PRC1: variants seen among roughly 807,000 people sequenced by gnomAD.
PRC1 encodes anaphase spindle elongation 1 homolog.
PRC1 carries 54 observed loss-of-function variants against 91.2 expected under a neutral mutation model. That is an observed-to-expected ratio of 0.59 (90% CI 0.48 to 0.74). PRC1 has a LOEUF of 0.74. Ranked by LOEUF, PRC1 falls within the 30% of genes least tolerant of loss-of-function variation. The pLI, the probability that PRC1 is intolerant of heterozygous loss-of-function variation, is 0.00. For synonymous variants in PRC1, 275 were observed against 263.6 expected, an observed-to-expected ratio of 1.04 and a Z score of -0.42; for missense variants, 727 against 746.2, an observed-to-expected ratio of 0.97 and a Z score of 0.30.
chr15:90,976,338 C>T (rs1951732079), intron 9 of PRC1, among the ~76,000 whole-genome samples: 1 of 151,224 alleles, frequency 6.6e-6, no homozygotes, highest in Non-Finnish European at 1.5e-5. Flanking sequence ...AACTCCTGAC[C>T]TCATGATCAA....
At chr15:90,968,272 C>T (rs903905646) in intron 14 of PRC1, 1 of 985,336 alleles carries the variant, frequency 1.0e-6, no homozygotes, top group African/African-American at 1.7e-5. Flanking sequence ...AGAAGCACCA[C>T]CAGCCACGTA....
At chr15:90,992,037 G>A (rs990549264) in intron 1 of PRC1, among the ~76,000 whole-genome samples, 2 of 152,084 alleles carry the variant, frequency 1.3e-5, no homozygotes, top group African/African-American at 4.8e-5. Context: ...CATACCAGGC[G>A]CTATCTCCCC....
At chr15:90,976,130 C>T (rs1405126790) in intron 9 of PRC1, among the ~76,000 whole-genome samples, 1 of 152,032 alleles carries the variant, frequency 6.6e-6, no homozygotes, top group Non-Finnish European at 1.5e-5. Context: ...ACTCTGTTGC[C>T]CAGGCTGGAG....
At chr15:90,967,295 T>C (rs1182302951) in intron 14 of PRC1, 93 bp from the exon 15 acceptor site, 8 of 1,034,482 alleles carry the variant, frequency 7.7e-6, no homozygotes, top group Admixed American at 1.9e-5. Flanking sequence ...AAAAGGTCCC[T>C]TGAAGGTAGT....
intron 1 of PRC1, among the ~76,000 whole-genome samples, chr15:90,993,369 G>A (rs557339601): frequency 6.6e-6 from 1 of 151,894 alleles, no homozygotes; most frequent in Non-Finnish European, 1.5e-5. Context: ...ACCAGGGCCA[G>A]ATAATTTTTG....
chr15:90,980,471 A>G, intron 6 of PRC1, 82 bp from the exon 7 acceptor site: 1 of 1,450,180 alleles, frequency 6.9e-7, no homozygotes, highest in South Asian at 1.3e-5. Flanking sequence ...CCTTTTAAGT[A>G]AAATTATAAT....
At chr15:90,994,166 C>T (rs902885383) in intron 1 of PRC1, among the ~76,000 whole-genome samples, 3 of 152,028 alleles carry the variant, frequency 2.0e-5, no homozygotes, top group African/African-American at 7.2e-5. Context: ...ACCCGGGCGT[C>T]TGAGCCTGCG....
At chr15:90,981,383 C>T in intron 5 of PRC1, 116 bp downstream of exon 5, 2 of 1,223,042 alleles carry the variant, frequency 1.6e-6, no homozygotes, top group South Asian at 1.4e-5. Flanking sequence ...CCTTAGCTTC[C>T]CTCATTCTCT....
At chr15:90,987,588 A>G (rs2039676390) in intron 1 of PRC1, 1 of 152,220 alleles carries the variant, frequency 6.6e-6, no homozygotes, top group South Asian at 2.1e-4. Context: ...AGTCTGCTTT[A>G]CAGAACATTT....
In PRC1 at chr15:90,969,475, GAATT is replaced by G; in HGVS notation, c.1717_1720del (p.Asn573LeufsTer51). 6.2e-7 allele frequency: 1 copy of G among 1,610,488 alleles called. No individual in the cohort carries two copies. The highest frequency in any genetic ancestry group is 1.7e-5 in the Admixed American group (1 of 59,274). ...AAACTCAGAATAGGTGCTGGCAACAGAATTAATGCTGAAGTTGCGCTGGAGGGGG... is the reference window on the plus strand; with the variant it reads ...AAACTCAGAATAGGTGCTGGCAACAGAATGCTGAAGTTGCGCTGGAGGGGG... On this transcript the variant is annotated frameshift_variant, in exon 13 of 15. Transcript: ENST00000394249. LOFTEE classifies it high-confidence loss of function.
intron 6 of PRC1, 147 bp from the exon 7 acceptor site, chr15:90,980,536 T>TG: frequency 2.7e-6 from 2 of 752,140 alleles, no homozygotes; most frequent in East Asian, 3.7e-5. Context: ...TTTTTTTTTT[T>TG]GAGACAGGGT....
chr15:90,978,102 C>T (rs112578668), intron 8 of PRC1, among the ~76,000 whole-genome samples: 1,551 of 152,306 alleles, frequency 0.01, 28 homozygotes, highest in African/African-American at 0.035. Context: ...AACAAGGTCT[C>T]CTTCCATCTG....
intron 1 of PRC1, among the ~76,000 whole-genome samples, chr15:90,993,027 C>T (rs1190133915): frequency 1.5e-5 from 2 of 133,960 alleles, no homozygotes; most frequent in Non-Finnish European, 3.1e-5. Flanking sequence ...TGAGCAATCT[C>T]GCCACTACAC....
intron 1 of PRC1, among the ~76,000 whole-genome samples, chr15:90,989,019 T>A (rs1007378752): frequency 1.3e-5 from 2 of 152,128 alleles, no homozygotes. Context: ...GAATAGACAT[T>A]TCTCCAAAGA....
chr15:90,994,502 G>C lies in PRC1; in HGVS notation c.-85C>G. On this transcript the variant is annotated 5_prime_UTR_variant, in exon 1 of 15. The change creates a new upstream start codon in the 5' untranslated region. Coordinates refer to ENST00000394249, the MANE Select transcript of PRC1 (RefSeq NM_003981.4). ...GCAACAACCACCCGCAAACACCGGC[G>C]ATGTCACTCCGCGTAGCCGCTCCGC... The C allele has an allele frequency of 1.3e-6, 2 of 1,506,120 alleles. No individual in the cohort carries two copies. Among genetic ancestry groups the C allele is most frequent in the East Asian group, 2.7e-5 (1 of 37,396 alleles). 93.3% of individuals were successfully genotyped at this position (1,506,120 alleles called of 1,614,324 possible).
chr15:90,969,724 T>TA (rs1567179384), intron 12 of PRC1, 101 bp from the exon 13 acceptor site: 10 of 823,028 alleles, frequency 1.2e-5, no homozygotes, highest in Admixed American at 2.9e-5. Flanking sequence ...ATCTTTATAT[T>TA]CATGTCTATA....
At chr15:90,968,450 T>G in intron 14 of PRC1, 3 of 985,610 alleles carry the variant, frequency 3.0e-6, no homozygotes, top group Non-Finnish European at 3.6e-6. Flanking sequence ...CTCTTGCTAG[T>G]AAAATATTGA....
chr15:90,992,377 A>G (rs2040028377), intron 1 of PRC1, among the ~76,000 whole-genome samples: 1 of 152,232 alleles, frequency 6.6e-6, no homozygotes, highest in East Asian at 1.9e-4. Context: ...CCTTGTATAT[A>G]ACAAACATTC....
At chr15:90,991,088 A>T (rs1039890542) in intron 1 of PRC1, among the ~76,000 whole-genome samples, 3 of 151,266 alleles carry the variant, frequency 2.0e-5, no homozygotes, top group Admixed American at 6.6e-5. Flanking sequence ...ATAATCTGAA[A>T]TGTTTTTGAT....
Sources: allele counts gnomAD v4.1 joint callset (sites outside exome capture counted in the v4.1 genomes callset), GRCh38; gene constraint gnomAD v4.1.1; transcripts MANE v1.5; gene names NCBI Gene and HGNC (gene_info 2026-07-23, HGNC 2026-07-21).